NAPG: variants seen among roughly 807,000 people sequenced by gnomAD.
The protein encoded by NAPG is NSF attachment protein gamma.
A neutral mutation model predicts 48.4 loss-of-function variants in NAPG; 25 were observed. The ratio of observed to expected loss-of-function variants is 0.52; its 90% confidence interval spans 0.38 to 0.72. The LOEUF is 0.72. Ranked by LOEUF, NAPG falls within the 30% of genes least tolerant of loss-of-function variation. The probability of loss-of-function intolerance (pLI) is 0.00; values close to 1 mark genes in which losing one functional copy is unlikely to be tolerated. For missense variants in NAPG, 359 were observed against 372.5 expected, an observed-to-expected ratio of 0.96 and a Z score of 0.30; for synonymous variants, 139 against 127.2, an observed-to-expected ratio of 1.09 and a Z score of -0.62.
rs2032321633 is a variant in NAPG, at chr18:10,548,764, C to A, written c.666-203C>A. Among the ~76,000 whole-genome samples the A allele has an allele frequency of 1.3e-5, 2 of 152,112 alleles. No individual in the cohort carries two copies. The highest frequency in any genetic ancestry group is 4.8e-5 in the African/African-American group (2 of 41,408). On this transcript the variant is annotated intron_variant, in intron 10 of 11. Transcript: ENST00000322897. This position sits in a 1 kb window ranked among gnomAD's most constrained non-coding sequence, Gnocchi z 4.4. ...CTGTTAACATTTGGGCTGGATAATT[C>A]TTTGTGGTCGGGCCTGTCCTGTGCA... is the stretch of plus-strand genomic sequence containing the variant.
intron 7 of NAPG, 125 bp downstream of exon 7, chr18:10,540,179 C>A: frequency 9.4e-7 from 1 of 1,065,464 alleles, no homozygotes; most frequent in Non-Finnish European, 1.4e-6. Flanking sequence ...CACGCTATTT[C>A]TTTTCTGTTA....
At position 10,550,290 on chromosome 18, in the gene NAPG, A is replaced by C; in HGVS notation, c.*70A>C. Reference sequence around the variant, plus strand: ...GACATGCCATTTCAAGGACTTGGGAATAGATTAGGGATATCCGTACTTCAT... The same window carrying C: ...GACATGCCATTTCAAGGACTTGGGACTAGATTAGGGATATCCGTACTTCAT... On this transcript the variant is annotated 3_prime_UTR_variant, in exon 12 of 12. Transcript: ENST00000322897. The C allele has an allele frequency of 6.7e-7, 1 of 1,489,960 alleles. No individual in the cohort carries two copies. Among genetic ancestry groups the C allele is most frequent in the South Asian group, 1.3e-5 (1 of 75,366 alleles). 92.3% of individuals were successfully genotyped at this position (1,489,960 alleles called of 1,614,324 possible).
chr18:10,528,095 A>G (rs1384411595), intron 1 of NAPG, among the ~76,000 whole-genome samples: 1 of 152,228 alleles, frequency 6.6e-6, no homozygotes, highest in African/African-American at 2.4e-5. Flanking sequence ...CTGAGGCAGG[A>G]GAATCCCTTG....
chr18:10,545,236 C>A (rs551263424), intron 8 of NAPG, among the ~76,000 whole-genome samples: 3 of 151,978 alleles, frequency 2.0e-5, no homozygotes, highest in African/African-American at 7.3e-5. Flanking sequence ...CACTTGAACC[C>A]GGGAGGCAGA....
Position 10,550,205 on chromosome 18 carries a change from A to T in NAPG, c.924A>T (p.Ser308=), listed in dbSNP as rs1316960188. ...TAADEEEDEY[S]GGLC is the part of the protein sequence containing the mutation. ...CTGATGAAGAGGAAGATGAATACTC[A>T]GGAGGACTATGCTAGTATTTTGCTT... is the stretch of plus-strand genomic sequence containing the variant. The change falls in exon 12 of 12, where the codon TCA becomes TCT. Residue 308 remains serine (S), a synonymous_variant. Coordinates refer to ENST00000322897, the MANE Select transcript of NAPG (RefSeq NM_003826.3). The T allele has an allele frequency of 1.3e-6, 2 of 1,587,934 alleles. No homozygotes were observed. Among genetic ancestry groups the T allele is most frequent in the African/African-American group, 2.7e-5 (2 of 73,020 alleles).
chr18:10,535,341 TA>T (rs1282344138), intron 5 of NAPG, among the ~76,000 whole-genome samples: 1 of 152,242 alleles, frequency 6.6e-6, no homozygotes, highest in Non-Finnish European at 1.5e-5. Context: ...ATACTTAGTT[TA>T]AAAGATTTTA....
At chr18:10,529,037 G>A (rs1052314342) in intron 1 of NAPG, among the ~76,000 whole-genome samples, 2 of 152,164 alleles carry the variant, frequency 1.3e-5, no homozygotes, top group African/African-American at 2.4e-5. Context: ...AGGTCAAAAG[G>A]ACTAACAGGT....
chr18:10,547,049 C>T (rs2032282286), intron 9 of NAPG, among the ~76,000 whole-genome samples: 1 of 152,146 alleles, frequency 6.6e-6, no homozygotes, highest in African/African-American at 2.4e-5. Context: ...GTGGATGTGG[C>T]CCACACAAGT....
At position 10,551,184 on chromosome 18, in the gene NAPG, G is replaced by T. The variant is rs983993544; in HGVS notation, c.*964G>T. 6.6e-6 allele frequency: 1 copy of T among 151,730 alleles called. No individual in the cohort carries two copies. Among genetic ancestry groups the T allele is most frequent in the African/African-American group, 2.4e-5 (1 of 41,286 alleles). 9.4% of individuals were successfully genotyped at this position (151,730 alleles called of 1,614,324 possible). On this transcript the variant is annotated 3_prime_UTR_variant, in exon 12 of 12. Transcript: ENST00000322897. ...ACTCCTAAGCTCAAGCCATCTGCCT[G>T]CCTTGGCCTCCCAAAGTGCTGGGAT...
rs761891265 is a variant in NAPG, at chr18:10,528,133, C to T, written c.56+1975C>T. ...CCCTAGAGGCGGAGGTTGCAGTGAG[C>T]GGAGATCGCGCCACTGCATTCCAGC... On this transcript the variant is annotated intron_variant, in intron 1 of 11. Coordinates refer to ENST00000322897, the MANE Select transcript of NAPG (RefSeq NM_003826.3). Among the ~76,000 whole-genome samples, 78 of 152,114 alleles carry T rather than the reference C, an allele frequency of 5.1e-4. 2 individuals carry two copies. In the Middle Eastern group the frequency reaches 0.01, roughly 20 times the overall value.
At position 10,548,169 on chromosome 18, in the gene NAPG, A is replaced by G. The variant is rs900049985; in HGVS notation, c.586-130A>G. Reference sequence around the variant, plus strand: ...TCAGGTGTCCCGTGGAAGTTACTATAGCATTTATAAATCTCTGTTTATACA... The same window carrying G: ...TCAGGTGTCCCGTGGAAGTTACTATGGCATTTATAAATCTCTGTTTATACA... On this transcript the variant is annotated intron_variant, in intron 9 of 11. Coordinates refer to ENST00000322897, the MANE Select transcript of NAPG (RefSeq NM_003826.3). The surrounding 1 kb of genome is among the most constrained non-coding windows in gnomAD (Gnocchi z 4.4). 1.5e-6 allele frequency: 1 copy of G among 659,362 alleles called. No individual in the cohort carries two copies. Among genetic ancestry groups the G allele is most frequent in the Non-Finnish European group, 2.7e-6 (1 of 375,642 alleles). The allele number at this position is 659,362 out of a possible 1,614,324, so 40.8% of individuals were successfully genotyped here.
Position 10,546,443 on chromosome 18 carries a change from A to G in NAPG, c.585+39A>G. On this transcript the variant is annotated intron_variant, in intron 9 of 11. Coordinates refer to ENST00000322897, the MANE Select transcript of NAPG (RefSeq NM_003826.3). The surrounding 1 kb of genome is among the most constrained non-coding windows in gnomAD (Gnocchi z 4.0). ...GTGTTTGTTTTTGGTATTACATTAG[A>G]TGATTTTTTATACTGGTATGAATAA... The G allele has an allele frequency of 8.5e-7, 1 of 1,171,144 alleles. No individual in the cohort carries two copies. The highest frequency in any genetic ancestry group is 1.4e-5 in the South Asian group (1 of 71,032). The allele number at this position is 1,171,144 out of a possible 1,614,324, so 72.5% of individuals were successfully genotyped here.
chr18:10,546,452 T>A lies in NAPG; in HGVS notation c.585+48T>A. ...TTTGGTATTACATTAGATGATTTTT[T>A]ATACTGGTATGAATAAGTACTTAAG... On this transcript the variant is annotated intron_variant, in intron 9 of 11. Transcript: ENST00000322897. This position sits in a 1 kb window ranked among gnomAD's most constrained non-coding sequence, Gnocchi z 4.0. The A allele has an allele frequency of 9.2e-7, 1 of 1,087,832 alleles. No homozygotes were observed. Among genetic ancestry groups the A allele is most frequent in the Non-Finnish European group, 1.3e-6 (1 of 750,786 alleles). 67.4% of individuals were successfully genotyped at this position (1,087,832 alleles called of 1,614,324 possible).
At chr18:10,535,331 A>G (rs1287146811) in intron 5 of NAPG, among the ~76,000 whole-genome samples, 1 of 152,242 alleles carries the variant, frequency 6.6e-6, no homozygotes, top group Non-Finnish European at 1.5e-5. Flanking sequence ...AGCTGTTAAC[A>G]TACTTAGTTT....
intron 9 of NAPG, among the ~76,000 whole-genome samples, chr18:10,547,963 T>G (rs2143148254): frequency 6.6e-6 from 1 of 151,828 alleles, no homozygotes; most frequent in Non-Finnish European, 1.5e-5. Context: ...GTGTAGATAT[T>G]TGAAAGAGAT....
chr18:10,526,238 G>GCCTTTCCC, intron 1 of NAPG, 80 bp downstream of exon 1: 1 of 858,068 alleles, frequency 1.2e-6, no homozygotes, highest in Non-Finnish European at 1.9e-6. Flanking sequence ...CCCGGGGGGG[G>GCCTTTCCC]CGGGAGGGAG....
At position 10,548,459 on chromosome 18, in the gene NAPG, TTCCTGGCCATGA is replaced by T. The variant is rs2032314679; in HGVS notation, c.665+82_665+93del. The T allele has an allele frequency of 9.1e-7, 1 of 1,097,168 alleles. No individual in the cohort carries two copies. Among genetic ancestry groups the T allele is most frequent in the Admixed American group, 1.9e-5 (1 of 52,706 alleles). The allele number at this position is 1,097,168 out of a possible 1,614,324, so 68.0% of individuals were successfully genotyped here. On this transcript the variant is annotated intron_variant, in intron 10 of 11. Coordinates refer to ENST00000322897, the MANE Select transcript of NAPG (RefSeq NM_003826.3). The surrounding 1 kb of genome is among the most constrained non-coding windows in gnomAD (Gnocchi z 4.4). The stretch of plus-strand genomic sequence containing the variant: ...ACTAAGATTGCTGCTAGGACACATG[TTCCTGGCCATGA>T]AACTGTCATTTCTAAATCTTAGGAG...
At position 10,534,348 on chromosome 18, in the gene NAPG, T is replaced by G. The variant is rs1412699886; in HGVS notation, c.228-118T>G. 5 of 724,676 alleles carry G rather than the reference T, an allele frequency of 6.9e-6. No individual in the cohort carries two copies. The highest frequency in any genetic ancestry group is 1.2e-5 in the Non-Finnish European group (5 of 406,810). 44.9% of individuals were successfully genotyped at this position (724,676 alleles called of 1,614,324 possible). A position where few individuals can be genotyped will look rare whatever the true frequency, so the allele number is the denominator to read the frequency against. On this transcript the variant is annotated intron_variant, in intron 4 of 11. Coordinates refer to ENST00000322897, the MANE Select transcript of NAPG (RefSeq NM_003826.3). This position sits in a 1 kb window ranked among gnomAD's most constrained non-coding sequence, Gnocchi z 5.0. ...GTAATATAAGCCTGAAGTGATATGT[T>G]GTGCATGAGCCCATTGTAATTGAAG...
rs572961663 is a variant in NAPG, at chr18:10,546,090, C to A, written c.507-236C>A. ...TTAAAACTCCCCGTTTGACCTAACCCATCCTTGAGTTCTTTTGCTTTTTCT... is the reference window on the plus strand; with the variant it reads ...TTAAAACTCCCCGTTTGACCTAACCAATCCTTGAGTTCTTTTGCTTTTTCT... On this transcript the variant is annotated intron_variant, in intron 8 of 11. Transcript: ENST00000322897. This position sits in a 1 kb window ranked among gnomAD's most constrained non-coding sequence, Gnocchi z 4.0. Among the ~76,000 whole-genome samples, 1 of 152,312 alleles carries A rather than the reference C, an allele frequency of 6.6e-6. No individual in the cohort carries two copies. Among genetic ancestry groups the A allele is most frequent in the African/African-American group, 2.4e-5 (1 of 41,574 alleles).
Sources: allele counts gnomAD v4.1 joint callset (sites outside exome capture counted in the v4.1 genomes callset), GRCh38; gene constraint gnomAD v4.1.1; non-coding constraint Gnocchi (gnomAD v3.1); transcripts MANE v1.5; gene names NCBI Gene and HGNC (gene_info 2026-07-23, HGNC 2026-07-21).